HSPA4: variants seen among roughly 807,000 people sequenced by gnomAD.
HSPA4 encodes heat shock 70 kDa protein 4.
A neutral mutation model predicts 106.2 loss-of-function variants in HSPA4; 25 were observed. The ratio of observed to expected loss-of-function variants is 0.24; its 90% CI spans 0.17 to 0.33. HSPA4 has a LOEUF of 0.33. Among genes scored for constraint, HSPA4 ranks in the 10% least tolerant of loss-of-function variants. The pLI is 1.00. For synonymous variants in HSPA4, 332 were observed against 333.6 expected (o/e 1.00, Z 0.05); for missense variants, 841 against 996.0 (o/e 0.84, Z 2.10).
intron 10 of HSPA4, 54 bp downstream of exon 10, chr5:133,089,215 G>T: frequency 1.0e-6 from 1 of 963,824 alleles, no homozygotes; most frequent in South Asian, 1.7e-5. Flanking sequence ...TATTAGGTCT[G>T]AGTAATATGT....
Position 133,096,229 on chromosome 5 carries a change from C to A in HSPA4, c.1782C>A (p.Leu594=). 6.2e-7 allele frequency: 1 copy of A among 1,613,468 alleles called. No individual in the cohort carries two copies. The highest frequency in any genetic ancestry group is 1.1e-5 in the South Asian group (1 of 90,926). ...TATGGCAGATAGACAGAGAGATGCT[C>A]AACTTGTACATTGAAAATGAGGTTG... ...QLLWQIDREM[L]NLYIENEGKM... The change falls in exon 14 of 19, where the codon CTC becomes CTA. Residue 594 remains leucine (L), a synonymous_variant. Coordinates refer to ENST00000304858, the MANE Select transcript of HSPA4 (RefSeq NM_002154.4).
chr5:133,070,530 G>A (rs1240561426), intron 4 of HSPA4, 34 bp downstream of exon 4: 1 of 1,608,270 alleles, frequency 6.2e-7, no homozygotes, highest in Admixed American at 1.7e-5. Context: ...TTGGGAATTT[G>A]CATGAAGAAG....
chr5:133,077,013 C>G (rs1765454234), intron 7 of HSPA4, 115 bp downstream of exon 7: 2 of 1,028,690 alleles, frequency 1.9e-6, no homozygotes, highest in Admixed American at 2.7e-5. Context: ...AATTTTGGTT[C>G]TATTTTAAAA....
chr5:133,083,836 G>A (rs1765546215), intron 7 of HSPA4, among the ~76,000 whole-genome samples: 1 of 152,038 alleles, frequency 6.6e-6, no homozygotes, highest in Non-Finnish European at 1.5e-5. Context: ...TGCGTGGCCT[G>A]GCCTCAATTT....
intron 6 of HSPA4, among the ~76,000 whole-genome samples, chr5:133,075,258 T>C (rs914460085): frequency 2.0e-5 from 3 of 152,330 alleles, no homozygotes; most frequent in Non-Finnish European, 4.4e-5. Flanking sequence ...GTTTAAACTT[T>C]AATCACTAAT....
At chr5:133,074,909 G>A (rs1218948878) in intron 6 of HSPA4, among the ~76,000 whole-genome samples, 1 of 152,112 alleles carries the variant, frequency 6.6e-6, no homozygotes, top group East Asian at 1.9e-4. Flanking sequence ...GAAGAACCAA[G>A]GATTTCTCAA....
intron 7 of HSPA4, among the ~76,000 whole-genome samples, chr5:133,081,249 T>C (rs1273466850): frequency 6.6e-6 from 1 of 152,190 alleles, no homozygotes; most frequent in Non-Finnish European, 1.5e-5. Context: ...GGTTTCGCCA[T>C]GTTGGCCATG....
chr5:133,097,497 A>G (rs988602580), intron 15 of HSPA4, among the ~76,000 whole-genome samples: 3 of 150,276 alleles, frequency 2.0e-5, no homozygotes, highest in African/African-American at 7.3e-5. Context: ...TTCACAAATC[A>G]CTTTTGACAC....
At chr5:133,087,756 T>G (rs970787410) in intron 8 of HSPA4, among the ~76,000 whole-genome samples, 1 of 152,222 alleles carries the variant, frequency 6.6e-6, no homozygotes, top group African/African-American at 2.4e-5. Flanking sequence ...CCTGAGTAGC[T>G]GGGATTACAG....
At chr5:133,103,553 T>G (rs1413814642) in intron 17 of HSPA4, among the ~76,000 whole-genome samples, 1 of 152,186 alleles carries the variant, frequency 6.6e-6, no homozygotes, top group African/African-American at 2.4e-5. Flanking sequence ...TCATATCTAA[T>G]GTAATTTTTT....
chr5:133,067,376 TTAG>T (rs746173540), intron 2 of HSPA4, 38 bp from the exon 3 acceptor site: 188 of 1,463,310 alleles, frequency 1.3e-4, no homozygotes, highest in Non-Finnish European at 1.7e-4. Flanking sequence ...AAAAAAAAAA[TTAG>T]TAGTAGTCTT....
chr5:133,077,823 T>A (rs931432069), intron 7 of HSPA4, among the ~76,000 whole-genome samples: 1 of 152,122 alleles, frequency 6.6e-6, no homozygotes, highest in Non-Finnish European at 1.5e-5. Flanking sequence ...TGTATCCAAA[T>A]TTTTAGTCAC....
Position 133,076,722 on chromosome 5 carries a change from C to A in HSPA4, c.732C>A (p.Phe244Leu). ...TTGATGAAGTGTTAGTAAATCACTT[C>A]TGTGAAGAATTTGGGAAGAAATACA... is the stretch of plus-strand genomic sequence containing the variant. ...RKFDEVLVNH[F>L]CEEFGKKYKL... The change falls in exon 7 of 19, where the codon TTC becomes TTA. Residue 244 changes from phenylalanine (F) to leucine (L), a missense_variant. By Grantham distance (22) the Phe-to-Leu change is conservative. Coordinates refer to ENST00000304858, the MANE Select transcript of HSPA4 (RefSeq NM_002154.4). 3 of 1,613,694 alleles carry A rather than the reference C, an allele frequency of 1.9e-6. No individual in the cohort carries two copies. Among genetic ancestry groups the A allele is most frequent in the Non-Finnish European group, 2.5e-6 (3 of 1,179,664 alleles).
Position 133,086,775 on chromosome 5 carries a change from T to G in HSPA4, c.909-7T>G, listed in dbSNP as rs938168944. On this transcript the variant is annotated splice_polypyrimidine_tract_variant and splice_region_variant and intron_variant, in intron 7 of 18. Transcript: ENST00000304858. ...CTGTGTTTTTTGTTTTGTTTTGTTT[T>G]TTATAGAGGCAAATTTCTGGAGATG... 1.2e-6 allele frequency: 2 copies of G among 1,608,712 alleles called. No individual in the cohort carries two copies. Among genetic ancestry groups the G allele is most frequent in the South Asian group, 2.2e-5 (2 of 90,932 alleles).
At chr5:133,062,911 C>G (rs919629459) in intron 1 of HSPA4, among the ~76,000 whole-genome samples, 10 of 152,068 alleles carry the variant, frequency 6.6e-5, no homozygotes, top group African/African-American at 2.4e-4. Context: ...ATGTTTCTAC[C>G]AAATCAGTAG....
chr5:133,097,204 A>C lies in HSPA4; in HGVS notation c.1847A>C (p.Asp616Ala), dbSNP rs779312246. 1 of 1,612,008 alleles carries C rather than the reference A, an allele frequency of 6.2e-7. No individual in the cohort carries two copies. Among genetic ancestry groups the C allele is most frequent in the Admixed American group, 1.7e-5 (1 of 60,014 alleles). The stretch of plus-strand genomic sequence containing the variant: ...GATAAACTGGAGAAGGAGCGGAATG[A>C]TGCTAAGAACGCAGTGGAGGAATAT... ...MQDKLEKERN[D>A]AKNAVEEYVY... Residue 616 changes from aspartate to alanine, a missense_variant, in exon 15 of 19, where the codon GAT becomes GCT. Asp to Ala is a moderately radical substitution (Grantham distance 126, BLOSUM62 -2). Around this residue, in one of 5 missense-constraint regions of HSPA4, gnomAD observed 328 missense variants for 372.2 expected, o/e 0.88. Coordinates refer to ENST00000304858, the MANE Select transcript of HSPA4 (RefSeq NM_002154.4).
chr5:133,063,275 G>C (rs181865710), intron 1 of HSPA4, among the ~76,000 whole-genome samples: 1 of 148,856 alleles, frequency 6.7e-6, no homozygotes, highest in East Asian at 2.0e-4. Flanking sequence ...ACCATGCCCA[G>C]CTAATTTTTT....
Position 133,106,302 on chromosome 5 carries a change from T to C in HSPA4, c.*1866T>C, listed in dbSNP as rs1351742337. The C allele has an allele frequency of 6.6e-6, 1 of 151,286 alleles. No homozygotes were observed. Among genetic ancestry groups the C allele is most frequent in the East Asian group, 1.9e-4 (1 of 5,158 alleles). 9.4% of individuals were successfully genotyped at this position (151,286 alleles called of 1,614,324 possible). A position where few individuals can be genotyped will look rare whatever the true frequency, so the allele number is the denominator to read the frequency against. On this transcript the variant is annotated 3_prime_UTR_variant, in exon 19 of 19. Transcript: ENST00000304858. Reference sequence around the variant, plus strand: ...AGGACAGAGAGTGGTAATTGATGGCTTGTGTACAGACAAGCATTTATCCAG... The same window carrying C: ...AGGACAGAGAGTGGTAATTGATGGCCTGTGTACAGACAAGCATTTATCCAG...
At chr5:133,097,093 A>G (rs1765721852) in intron 14 of HSPA4, 68 bp from the exon 15 acceptor site, 1 of 1,282,108 alleles carries the variant, frequency 7.8e-7, no homozygotes, top group Non-Finnish European at 1.1e-6. Flanking sequence ...TACTTTTATA[A>G]TTATATTGGT....
Sources: gnomAD v4.1 joint callset for allele counts (sites outside exome capture counted in the v4.1 genomes callset) on GRCh38, gnomAD v4.1.1 for gene constraint, gnomAD v4.1.1 regional missense constraint, MANE v1.5 for transcripts, NCBI Gene and HGNC (gene_info 2026-07-23, HGNC 2026-07-21) for gene names.